SMOX: variants seen among roughly 807,000 people sequenced by gnomAD.
SMOX encodes the protein flavin containing amine oxidase.
A neutral mutation model predicts 51.0 loss-of-function variants in SMOX; 22 were observed. That is an observed-to-expected ratio of 0.43 (90% CI 0.31 to 0.62). SMOX has a LOEUF of 0.62. SMOX is among the 20% of genes least tolerant of loss of function. The probability of loss-of-function intolerance (pLI) is 0.10; values close to 1 mark genes in which losing one functional copy is unlikely to be tolerated. For synonymous variants in SMOX, 282 were observed against 307.8 expected, an observed-to-expected ratio of 0.92 and a Z score of 0.88; for missense variants, 566 against 777.7, an observed-to-expected ratio of 0.73 and a Z score of 3.24.
At chr20:4,151,172 T>C (rs1044697317) in intron 1 of SMOX, among the ~76,000 whole-genome samples, 14 of 152,030 alleles carry the variant, frequency 9.2e-5, no homozygotes, top group African/African-American at 2.7e-4. Flanking sequence ...GGAGCACAAC[T>C]CCACCAAGAG....
intron 1 of SMOX, among the ~76,000 whole-genome samples, chr20:4,150,145 AC>A (rs1985662235): frequency 6.6e-6 from 1 of 152,104 alleles, no homozygotes; most frequent in Admixed American, 6.5e-5. Flanking sequence ...ATGCCTTGGC[AC>A]CCTGTCTCTC....
At position 4,166,920 on chromosome 20, in the gene SMOX, G is replaced by C. The variant is rs1051673754; in HGVS notation, c.-26-8110G>C. On this transcript the variant is annotated intron_variant, in intron 1 of 6. Coordinates refer to ENST00000305958, the MANE Select transcript of SMOX (RefSeq NM_175839.3). The surrounding 1 kb of genome is among the most constrained non-coding windows in gnomAD (Gnocchi z 4.2). ...GACTTTATGATTTTAGGGAAGAAATGTGGGTAGCAATGACAATGTAATTGG... is the reference window on the plus strand; with the variant it reads ...GACTTTATGATTTTAGGGAAGAAATCTGGGTAGCAATGACAATGTAATTGG... Among the ~76,000 whole-genome samples, 1 of 152,262 alleles carries C rather than the reference G, an allele frequency of 6.6e-6. No individual in the cohort carries two copies. Among genetic ancestry groups the C allele is most frequent in the African/African-American group, 2.4e-5 (1 of 41,476 alleles).
rs867676554 is a variant in SMOX, at chr20:4,177,411, A to G, written c.269A>G (p.Tyr90Cys). Residue 90 changes from tyrosine to cysteine, a missense_variant, in exon 3 of 7, where the codon TAT becomes TGT. This residue lies in a region of SMOX where 217 missense variants were observed against 278.4 expected (regional missense o/e 0.78). Transcript: ENST00000305958. This position sits in a 1 kb window ranked among gnomAD's most constrained non-coding sequence, Gnocchi z 4.3. The part of the protein sequence containing the change: ...WIHGSHGNPI[Y>C]HLAEANGLLE... ...CATGGCTCCCATGGGAACCCTATCT[A>G]TCATCTAGCAGAAGCCAACGGCCTC... 1.3e-6 allele frequency: 2 copies of G among 1,558,334 alleles called. No individual in the cohort carries two copies. The highest frequency in any genetic ancestry group is 1.7e-6 in the Non-Finnish European group (2 of 1,150,212).
At chr20:4,171,126 A>G (rs1296552940) in intron 1 of SMOX, among the ~76,000 whole-genome samples, 4 of 152,198 alleles carry the variant, frequency 2.6e-5, no homozygotes, top group Non-Finnish European at 4.4e-5. Context: ...CTGCTCAGAA[A>G]GTACAGGGTG....
intron 1 of SMOX, among the ~76,000 whole-genome samples, chr20:4,169,940 G>C (rs990486670): frequency 6.6e-6 from 1 of 152,138 alleles, no homozygotes; most frequent in African/African-American, 2.4e-5. Context: ...ATGTTTTGGC[G>C]GGGAGTTGTG....
At chr20:4,151,731 C>T (rs990437410) in intron 1 of SMOX, among the ~76,000 whole-genome samples, 22 of 152,202 alleles carry the variant, frequency 1.4e-4, no homozygotes, top group Admixed American at 6.5e-4. Context: ...CGTAATTAAT[C>T]GTAGCACCTG....
intron 1 of SMOX, among the ~76,000 whole-genome samples, chr20:4,163,229 C>T (rs1018345238): frequency 6.6e-6 from 1 of 151,708 alleles, no homozygotes; most frequent in Admixed American, 6.6e-5. Flanking sequence ...ATGGTTGGGC[C>T]CCACCCCAGA....
At chr20:4,174,037 C>A (rs964618082) in intron 1 of SMOX, among the ~76,000 whole-genome samples, 1 of 152,260 alleles carries the variant, frequency 6.6e-6, no homozygotes, top group Non-Finnish European at 1.5e-5. Flanking sequence ...TCCACTGTTT[C>A]CTGGGCTCCT....
intron 1 of SMOX, among the ~76,000 whole-genome samples, chr20:4,161,463 C>G (rs1986313795): frequency 6.6e-6 from 1 of 152,192 alleles, no homozygotes; most frequent in Admixed American, 6.5e-5. Context: ...TTTTCTGACC[C>G]CATCAGCTTG....
intron 1 of SMOX, among the ~76,000 whole-genome samples, chr20:4,162,287 C>T (rs915109343): frequency 3.3e-5 from 5 of 152,234 alleles, no homozygotes; most frequent in Non-Finnish European, 7.3e-5. Context: ...AGGCGGCTGC[C>T]ACAGTCATGG....
intron 1 of SMOX, among the ~76,000 whole-genome samples, chr20:4,165,142 C>T (rs927767008): frequency 6.6e-6 from 1 of 150,508 alleles, no homozygotes; most frequent in Admixed American, 6.7e-5. Flanking sequence ...GCAACCTCCG[C>T]CTCCGAGGTT....
At position 4,172,017 on chromosome 20, in the gene SMOX, G is replaced by C. The variant is rs1978427356; in HGVS notation, c.-26-3013G>C. On this transcript the variant is annotated intron_variant, in intron 1 of 6. Transcript: ENST00000305958. This position sits in a 1 kb window ranked among gnomAD's most constrained non-coding sequence, Gnocchi z 7.7. ...CCCCTATCCTGGCTTCCCAACGCTG[G>C]AGCTTATCTGGTCCCCTGGTTTTCA... 6.6e-6 allele frequency: 1 copy of C among 152,428 alleles called. No individual in the cohort carries two copies. The highest frequency in any genetic ancestry group is 2.4e-5 in the African/African-American group (1 of 41,460). 9.4% of individuals were successfully genotyped at this position (152,428 alleles called of 1,614,324 possible). A position where few individuals can be genotyped will look rare whatever the true frequency, so the allele number is the denominator to read the frequency against.
At chr20:4,184,238 C>T (rs1979571464) in intron 6 of SMOX, among the ~76,000 whole-genome samples, 1 of 151,614 alleles carries the variant, frequency 6.6e-6, no homozygotes, top group Non-Finnish European at 1.5e-5. Flanking sequence ...TCAAGCTGTC[C>T]TCCCGCCTCA....
chr20:4,166,366 G>A lies in SMOX; in HGVS notation c.-26-8664G>A, dbSNP rs1045144105. Among the ~76,000 whole-genome samples, 3 of 151,866 alleles carry A rather than the reference G, an allele frequency of 2.0e-5. No homozygotes were observed. The highest frequency in any genetic ancestry group is 6.6e-5 in the Admixed American group (1 of 15,240). On this transcript the variant is annotated intron_variant, in intron 1 of 6. Coordinates refer to ENST00000305958, the MANE Select transcript of SMOX (RefSeq NM_175839.3). This position sits in a 1 kb window ranked among gnomAD's most constrained non-coding sequence, Gnocchi z 4.2. ...GCCCTTTGTCTGACTTCTTTTTTTT[G>A]AGACAAGGTCTTGCTCTGTCTCCCA... is the stretch of plus-strand genomic sequence containing the variant.
rs1219726301 is a variant in SMOX, at chr20:4,182,557, C to T, written c.1078C>T (p.Leu360=). The T allele has an allele frequency of 1.9e-6, 3 of 1,613,976 alleles. No homozygotes were observed. Among genetic ancestry groups the T allele is most frequent in the East Asian group, 2.2e-5 (1 of 44,858 alleles). ...PTEKVAAIHR[L]GIGTTDKIFL... ...AGAGAAGGTGGCTGCCATCCACCGCCTGGGCATTGGCACCACCGACAAGAT... is the reference window on the plus strand; with the variant it reads ...AGAGAAGGTGGCTGCCATCCACCGCTTGGGCATTGGCACCACCGACAAGAT... Residue 360 remains leucine, a synonymous_variant, in exon 5 of 7, where the codon CTG becomes TTG. Transcript: ENST00000305958. This position sits in a 1 kb window ranked among gnomAD's most constrained non-coding sequence, Gnocchi z 8.4.
At chr20:4,186,923 C>A in intron 6 of SMOX, 1 of 709,544 alleles carries the variant, frequency 1.4e-6, no homozygotes, top group Admixed American at 2.0e-5. Flanking sequence ...TCCTTACAAC[C>A]ACCCTCCGAA....
rs990451464 is a variant in SMOX at position 4,162,127 on chromosome 20, C to T, written c.-26-12903C>T. Among the ~76,000 whole-genome samples, 5 of 152,228 alleles carry T rather than the reference C, an allele frequency of 3.3e-5. No homozygotes were observed. The South Asian group carries it at 1.0e-3, about 32-fold the overall frequency. Reference sequence around the variant, plus strand: ...TCCCCAGGGTGCCTCGGGGAGCCAACCTGCATGGCTGACTTGCCCAGGAAG... The same window carrying T: ...TCCCCAGGGTGCCTCGGGGAGCCAATCTGCATGGCTGACTTGCCCAGGAAG... On this transcript the variant is annotated intron_variant, in intron 1 of 6. Coordinates refer to ENST00000305958, the MANE Select transcript of SMOX (RefSeq NM_175839.3).
intron 1 of SMOX, among the ~76,000 whole-genome samples, chr20:4,151,667 G>A (rs1396383934): frequency 2.6e-5 from 4 of 152,040 alleles, no homozygotes; most frequent in Non-Finnish European, 5.9e-5. Flanking sequence ...TATTTTTAAG[G>A]TCTTCACTTA....
chr20:4,152,356 C>A (rs977859009), intron 1 of SMOX, among the ~76,000 whole-genome samples: 1 of 152,092 alleles, frequency 6.6e-6, no homozygotes, highest in African/African-American at 2.4e-5. Context: ...GGGGTGGTCT[C>A]TCTCTATCTC....
Sources: allele counts gnomAD v4.1 joint callset (sites outside exome capture counted in the v4.1 genomes callset), GRCh38; gene constraint gnomAD v4.1.1; regional missense constraint gnomAD v4.1.1; non-coding constraint Gnocchi (gnomAD v3.1); transcripts MANE v1.5; gene names NCBI Gene and HGNC (gene_info 2026-07-23, HGNC 2026-07-21).